INTS11: variants seen among roughly 807,000 people sequenced by gnomAD.
INTS11 encodes CPSF3-like protein.
INTS11 carries 77 observed loss-of-function variants against 78.6 expected under a neutral mutation model. That is an observed-to-expected ratio of 0.98 (90% CI 0.81 to 1.18). The LOEUF (loss-of-function observed/expected upper bound fraction) is 1.18, where lower values mean the gene tolerates loss of function less well. Ranked by LOEUF, INTS11 falls within the 50% of genes most tolerant of loss-of-function variation. The probability of loss-of-function intolerance (pLI) is 0.00; values close to 1 mark genes in which losing one functional copy is unlikely to be tolerated. For missense variants in INTS11, 875 were observed against 825.9 expected (o/e 1.06, Z -0.73); for synonymous variants, 441 against 326.9 (o/e 1.35, Z -3.77).
At chr1:1,315,894 TCACACACAGCATC>T (rs1361816536) in intron 4 of INTS11, among the ~76,000 whole-genome samples, 18 of 151,934 alleles carry the variant, frequency 1.2e-4, no homozygotes, top group Non-Finnish European at 2.2e-4. Flanking sequence ...TCCCTGTTGC[TCACACACAGCATC>T]CAGTTCACAA....
At chr1:1,313,689 C>A in intron 9 of INTS11, 43 bp downstream of exon 9, 1 of 1,609,854 alleles carries the variant, frequency 6.2e-7, no homozygotes. Context: ...GACAGGAGAC[C>A]GACGGGTGTG....
chr1:1,313,921 C>T lies in INTS11; in HGVS notation c.768G>A (p.Trp256Ter). 1 of 1,611,238 alleles carries T rather than the reference C, an allele frequency of 6.2e-7. No individual in the cohort carries two copies. Among genetic ancestry groups the T allele is most frequent in the Non-Finnish European group, 8.5e-7 (1 of 1,178,674 alleles). The stretch of plus-strand genomic sequence containing the variant: ...TGGGCACCTTCAGGTTCATGCGCTC[C>T]CTGGGGACCACCGGCCCAGTCAGCA... Reference protein sequence around the residue: ...QELCILLETFWERMNLKVPIY... With the variant: ...QELCILLETF Residue 256 changes from tryptophan (W) to a stop codon, truncating the protein, a stop_gained and splice_region_variant, in exon 9 of 17, where the codon TGG becomes TGA. Transcript: ENST00000435064. LOFTEE classifies it high-confidence loss of function.
At chr1:1,321,170 C>T in intron 1 of INTS11, 77 bp from the exon 2 acceptor site, 2 of 1,187,778 alleles carry the variant, frequency 1.7e-6, no homozygotes, top group Non-Finnish European at 1.2e-6. Context: ...TGCAGGACCC[C>T]AGTGCACTGA....
At chr1:1,320,190 GAGAC>G (rs1462901936) in intron 3 of INTS11, 46 of 470,752 alleles carry the variant, frequency 9.8e-5, no homozygotes, top group African/African-American at 2.0e-5. Flanking sequence ...TAAAGATCCT[GAGAC>G]AGTGAAGGCA....
Position 1,320,795 on chromosome 1 carries a change from G to A in INTS11, c.126+201C>T, listed in dbSNP as rs115789165. 2.0e-3 allele frequency: 1,455 copies of A among 716,926 alleles called. 7 individuals carry two copies. In the African/African-American group the frequency reaches 0.022, roughly 11 times the overall value. 44.4% of individuals were successfully genotyped at this position (716,926 alleles called of 1,614,324 possible). A position where few individuals can be genotyped will look rare whatever the true frequency, so the allele number is the denominator to read the frequency against. ...CCAGCCTACAGGACCCCGGGGCTGG[G>A]GCTCAGCGCCAGCACAGGGGGACCC... On this transcript the variant is annotated intron_variant, in intron 2 of 16. Coordinates refer to ENST00000435064, the MANE Select transcript of INTS11 (RefSeq NM_017871.6).
rs1642320477 is a variant in INTS11 at position 1,312,926 on chromosome 1, C to T, written c.1155G>A (p.Glu385=). The stretch of plus-strand genomic sequence containing the variant: ...CCGCGTGTGCGCTGAATGACATGTA[C>T]TCCACCTGCATCTTGACCTCCAGCT... ...RQVLEVKMQV[E]YMSFSAHADA... Residue 385 remains glutamate (E), a synonymous_variant, in exon 12 of 17, where the codon GAG becomes GAA. Transcript: ENST00000435064. The T allele has an allele frequency of 1.2e-6, 2 of 1,612,178 alleles. No homozygotes were observed. The highest frequency in any genetic ancestry group is 1.7e-6 in the Non-Finnish European group (2 of 1,179,472).
chr1:1,313,033 A>G lies in INTS11; in HGVS notation c.1131+2T>C, dbSNP rs1642333691. On this transcript the variant is annotated splice_donor_variant, in intron 11 of 16. Transcript: ENST00000435064. LOFTEE classifies it high-confidence loss of function. ...CCAGCCCAGTGCGGGGTCGAGACTCACCACCTGCCGCCCCTCCATCTCGAG... is the reference window on the plus strand; with the variant it reads ...CCAGCCCAGTGCGGGGTCGAGACTCGCCACCTGCCGCCCCTCCATCTCGAG... 1.2e-6 allele frequency: 2 copies of G among 1,611,000 alleles called. No homozygotes were observed. Among genetic ancestry groups the G allele is most frequent in the Non-Finnish European group, 1.7e-6 (2 of 1,179,762 alleles).
rs745347472 is a variant in INTS11, at chr1:1,311,810, C to T, written c.*49G>A. 56 of 1,513,712 alleles carry T rather than the reference C, an allele frequency of 3.7e-5. 1 individual carries two copies. The South Asian group carries it at 7.3e-4, about 20-fold the overall frequency. The allele number at this position is 1,513,712 out of a possible 1,614,324, so 93.8% of individuals were successfully genotyped here. ...CAGTCCTGAAGTGCAGGCCCAGGGT[C>T]TGTCCAGCTGGGAGAGGGCAGAGGT... On this transcript the variant is annotated 3_prime_UTR_variant, in exon 17 of 17. Coordinates refer to ENST00000435064, the MANE Select transcript of INTS11 (RefSeq NM_017871.6).
intron 3 of INTS11, 177 bp downstream of exon 3, chr1:1,320,279 G>C (rs923959410): frequency 1.6e-6 from 1 of 642,602 alleles, no homozygotes; most frequent in Non-Finnish European, 2.8e-6. Context: ...AACAGACAGA[G>C]ACCAGGCCAT....
Position 1,312,213 on chromosome 1 carries a change from G to GGGGGGGGCCCCCCCCCCCCCCCCCC in INTS11, c.1607+12_1607+13insGGGGGGGGGGGGGGGGGGCCCCCCC. Reference sequence around the variant, plus strand: ...CCCAAGGGAGTGGGGGGGGGGCGGGGCCGGGCGCCCACCTCTTGAGGTGGC... The same window carrying GGGGGGGGCCCCCCCCCCCCCCCCCC: ...CCCAAGGGAGTGGGGGGGGGGCGGGGGGGGGGGCCCCCCCCCCCCCCCCCCCCGGGCGCCCACCTCTTGAGGTGGC... On this transcript the variant is annotated intron_variant, in intron 15 of 16. Transcript: ENST00000435064. The GGGGGGGGCCCCCCCCCCCCCCCCCC allele has an allele frequency of 3.2e-6, 3 of 934,586 alleles. No individual in the cohort carries two copies. The highest frequency in any genetic ancestry group is 3.1e-6 in the Non-Finnish European group (2 of 636,640). 57.9% of individuals were successfully genotyped at this position (934,586 alleles called of 1,614,324 possible).
At chr1:1,321,583 G>A (rs1275114966) in intron 1 of INTS11, among the ~76,000 whole-genome samples, 3 of 152,232 alleles carry the variant, frequency 2.0e-5, no homozygotes, top group Admixed American at 2.0e-4. Flanking sequence ...TGGTGCGGCT[G>A]TGGAGGGGCG....
chr1:1,319,604 C>T, intron 3 of INTS11, 80 bp from the exon 4 acceptor site: 3 of 989,700 alleles, frequency 3.0e-6, no homozygotes, highest in South Asian at 3.2e-5. Context: ...GGGTCACTGG[C>T]CCCTTCATTC....
rs1410067270 is a variant in INTS11 at position 1,314,303 on chromosome 1, G to C, written c.765C>G (p.Phe255Leu). ...AQELCILLET[F>L]WERMNLKVPI... is the part of the protein sequence containing the mutation. ...AGAGCCGTCCTGGCGGCACCTACCAGAAGGTCTCCAGGAGGATGCAGAGCT... is the reference window on the plus strand; with the variant it reads ...AGAGCCGTCCTGGCGGCACCTACCACAAGGTCTCCAGGAGGATGCAGAGCT... Residue 255 changes from phenylalanine to leucine, a missense_variant and splice_region_variant, in exon 8 of 17, where the codon TTC becomes TTG. Phe to Leu is a conservative substitution (Grantham distance 22, BLOSUM62 0). Coordinates refer to ENST00000435064, the MANE Select transcript of INTS11 (RefSeq NM_017871.6). The surrounding 1 kb of genome is among the most constrained non-coding windows in gnomAD (Gnocchi z 4.2). 1.3e-6 allele frequency: 2 copies of C among 1,598,470 alleles called. No individual in the cohort carries two copies. Among genetic ancestry groups the C allele is most frequent in the Non-Finnish European group, 8.5e-7 (1 of 1,173,938 alleles).
chr1:1,319,696 G>T, intron 3 of INTS11, 172 bp from the exon 4 acceptor site: 1 of 585,984 alleles, frequency 1.7e-6, no homozygotes, highest in South Asian at 2.1e-5. Context: ...GGAACTTTCA[G>T]TCTCAAAGTC....
At chr1:1,322,617 G>A (rs921354524) in intron 1 of INTS11, among the ~76,000 whole-genome samples, 4 of 122,080 alleles carry the variant, frequency 3.3e-5, no homozygotes, top group South Asian at 3.0e-4. Flanking sequence ...GAAGCGGGGC[G>A]GGCGGAGGGA....
At chr1:1,323,410 C>T (rs980656357) in intron 1 of INTS11, 49 of 1,133,366 alleles carry the variant, frequency 4.3e-5, no homozygotes, top group Non-Finnish European at 5.7e-5. Flanking sequence ...ACTGTTACGA[C>T]TTTGACTTTC....
Position 1,314,482 on chromosome 1 carries a change from CTCA to C in INTS11, c.703-120_703-118del. Reference sequence around the variant, plus strand: ...TGCGGCCTCATAGGGACCTTAGCCTCTCATCTGCTCCCAGTCCCGTCCCAGCCG... The same window carrying C: ...TGCGGCCTCATAGGGACCTTAGCCTCTCTGCTCCCAGTCCCGTCCCAGCCG... On this transcript the variant is annotated intron_variant, in intron 7 of 16. Transcript: ENST00000435064. The surrounding 1 kb of genome is among the most constrained non-coding windows in gnomAD (Gnocchi z 4.2). 1.1e-6 allele frequency: 1 copy of C among 882,792 alleles called. No homozygotes were observed. The highest frequency in any genetic ancestry group is 1.7e-5 in the African/African-American group (1 of 58,974). The allele number at this position is 882,792 out of a possible 1,614,324, so 54.7% of individuals were successfully genotyped here.
At chr1:1,321,978 G>A in intron 1 of INTS11, 1 of 1,376,790 alleles carries the variant, frequency 7.3e-7, no homozygotes, top group Non-Finnish European at 9.5e-7. Context: ...CACAGCCGAG[G>A]GGCTGCCTGC....
In INTS11 at chr1:1,324,585, G is replaced by C. The variant is rs1328947164; in HGVS notation, c.24C>G (p.Pro8=). The C allele has an allele frequency of 1.9e-6, 3 of 1,595,340 alleles. No homozygotes were observed. The highest frequency in any genetic ancestry group is 2.6e-6 in the Non-Finnish European group (3 of 1,173,022). MPEIRVT[P]LGAGQDVGRS... ...CTCCCGGCGGCTCCCACTCACCCAAGGGCGTGACTCTGATCTCAGGCATCG... is the reference window on the plus strand; with the variant it reads ...CTCCCGGCGGCTCCCACTCACCCAACGGCGTGACTCTGATCTCAGGCATCG... The change falls in exon 1 of 17, where the codon CCC becomes CCG. Residue 8 remains proline, a synonymous_variant. Coordinates refer to ENST00000435064, the MANE Select transcript of INTS11 (RefSeq NM_017871.6).
Sources: gnomAD v4.1 joint callset for allele counts (sites outside exome capture counted in the v4.1 genomes callset) on GRCh38, gnomAD v4.1.1 for gene constraint, Gnocchi (gnomAD v3.1) non-coding constraint, MANE v1.5 for transcripts, NCBI Gene and HGNC (gene_info 2026-07-23, HGNC 2026-07-21) for gene names.